TMEM132B: variants seen among roughly 807,000 people sequenced by gnomAD.
TMEM132B encodes transmembrane protein 132B.
In TMEM132B, 18 loss-of-function variants were observed where a neutral mutation model predicts 90.8. That is an observed-to-expected ratio of 0.20 (90% CI 0.14 to 0.29). TMEM132B has a LOEUF of 0.29. Among genes scored for constraint, TMEM132B ranks in the 10% least tolerant of loss-of-function variants. The pLI is 1.00. For missense variants in TMEM132B, 1,096 were observed against 1,326.8 expected (o/e 0.83, Z 2.70); for synonymous variants, 504 against 523.3 (o/e 0.96, Z 0.50).
chr12:125,433,760 A>G (rs1428354461), intron 3 of TMEM132B, among the ~76,000 whole-genome samples: 1 of 147,452 alleles, frequency 6.8e-6, no homozygotes, highest in Non-Finnish European at 1.5e-5. Context: ...TGTGGCACAT[A>G]TACACCATGG....
intron 3 of TMEM132B, among the ~76,000 whole-genome samples, chr12:125,480,188 A>G (rs1025831299): frequency 1.3e-5 from 2 of 152,194 alleles, no homozygotes; most frequent in Admixed American, 1.3e-4. Flanking sequence ...CTAACATCAC[A>G]ATTAAAAGAG....
In TMEM132B at chr12:125,349,566, C is replaced by G. The variant is rs1877486257; in HGVS notation, c.182C>G (p.Ala61Gly). 4 of 1,614,134 alleles carry G rather than the reference C, an allele frequency of 2.5e-6. No individual in the cohort carries two copies. The highest frequency in any genetic ancestry group is 3.4e-6 in the Non-Finnish European group (4 of 1,180,032). The stretch of plus-strand genomic sequence containing the variant: ...GAGGAGTCCTTTTTCCTTAAAGAAG[C>G]CAACCAAGACCTCACAAGGAACTCC... Reference protein sequence around the residue: ...NAEESFFLKEANQDLTRNSSL... With the variant: ...NAEESFFLKEGNQDLTRNSSL... The change falls in exon 2 of 9, where the codon GCC (alanine) becomes GGC (glycine). Residue 61 changes from alanine to glycine, a missense_variant. Ala to Gly is a moderately conservative substitution (Grantham distance 60, BLOSUM62 0). Transcript: ENST00000682704. This position sits in a 1 kb window ranked among gnomAD's most constrained non-coding sequence, Gnocchi z 4.1.
At chr12:125,484,708 GCAGC>G (rs1239195504) in intron 3 of TMEM132B, among the ~76,000 whole-genome samples, 1 of 152,014 alleles carries the variant, frequency 6.6e-6, no homozygotes, top group Non-Finnish European at 1.5e-5. Context: ...ATAGCTCACT[GCAGC>G]CTTGATCTCC....
rs997831820 is a variant in TMEM132B, at chr12:125,459,863, G to A, written c.1106+44186G>A. 4.6e-5 allele frequency among the ~76,000 whole-genome samples: 7 copies of A among 152,140 alleles called. No individual in the cohort carries two copies. Among genetic ancestry groups the A allele is most frequent in the Non-Finnish European group, 4.4e-5 (3 of 68,018 alleles). ...TCCCCCATACTGTTTTCACGGTAGT[G>A]GATAAGTCTCATGAGATCTGATGAT... On this transcript the variant is annotated intron_variant, in intron 3 of 8. Transcript: ENST00000682704. This position sits in a 1 kb window ranked among gnomAD's most constrained non-coding sequence, Gnocchi z 4.1.
intron 5 of TMEM132B, among the ~76,000 whole-genome samples, chr12:125,618,700 C>G (rs1425212406): frequency 1.3e-5 from 2 of 151,998 alleles, no homozygotes. Context: ...CAAATTTTCT[C>G]CAATTATGAT....
intron 4 of TMEM132B, among the ~76,000 whole-genome samples, chr12:125,530,285 A>ATTTCT (rs1420767714): frequency 6.8e-6 from 1 of 146,876 alleles, no homozygotes. Flanking sequence ...GGTTGCTTCC[A>ATTTCT]TTTCTTTTCT....
chr12:125,563,143 A>G (rs1884574666), intron 4 of TMEM132B, among the ~76,000 whole-genome samples: 2 of 101,134 alleles, frequency 2.0e-5, no homozygotes, highest in Non-Finnish European at 2.0e-5. Flanking sequence ...GGTCACCATA[A>G]TGCGTAATAA....
At chr12:125,532,142 T>A (rs1238894124) in intron 4 of TMEM132B, among the ~76,000 whole-genome samples, 1 of 152,202 alleles carries the variant, frequency 6.6e-6, no homozygotes, top group Non-Finnish European at 1.5e-5. Flanking sequence ...TTGGTTCAGT[T>A]GACCTGCCTC....
At chr12:125,478,665 G>C (rs1440902331) in intron 3 of TMEM132B, among the ~76,000 whole-genome samples, 1 of 152,178 alleles carries the variant, frequency 6.6e-6, no homozygotes, top group Non-Finnish European at 1.5e-5. Context: ...AGGGAGAATG[G>C]AACCAAGCTG....
intron 1 of TMEM132B, among the ~76,000 whole-genome samples, chr12:125,288,553 G>T (rs1315446808): frequency 2.0e-5 from 3 of 151,640 alleles, no homozygotes; most frequent in Admixed American, 1.3e-4. Flanking sequence ...TCATATTGCT[G>T]GTTACTTTGG....
chr12:125,495,133 G>A (rs1592955164), intron 3 of TMEM132B, among the ~76,000 whole-genome samples: 2 of 91,722 alleles, frequency 2.2e-5, no homozygotes, highest in Admixed American at 1.4e-4. Context: ...GAAAATGGCC[G>A]TGTCCCTCTT....
At chr12:125,321,715 T>G (rs1876429649) in intron 1 of TMEM132B, among the ~76,000 whole-genome samples, 1 of 152,116 alleles carries the variant, frequency 6.6e-6, no homozygotes, top group African/African-American at 2.4e-5. Context: ...TGACCTCAGG[T>G]GATCCACCCA....
Position 125,407,583 on chromosome 12 carries a change from A to G in TMEM132B, c.960-7948A>G, listed in dbSNP as rs949339563. ...GTTGTCTTTCTTTTGACTTATCTAC[A>G]GCAGCTAGAATGTCTCTCTCCCTGG... is the stretch of plus-strand genomic sequence containing the variant. On this transcript the variant is annotated intron_variant, in intron 2 of 8. Coordinates refer to ENST00000682704, the MANE Select transcript of TMEM132B (RefSeq NM_001366854.1). The surrounding 1 kb of genome is among the most constrained non-coding windows in gnomAD (Gnocchi z 6.7). 2.0e-5 allele frequency among the ~76,000 whole-genome samples: 3 copies of G among 152,174 alleles called. No homozygotes were observed. The highest frequency in any genetic ancestry group is 4.4e-5 in the Non-Finnish European group (3 of 68,032).
At chr12:125,526,102 G>A (rs1384855152) in intron 4 of TMEM132B, among the ~76,000 whole-genome samples, 1 of 152,206 alleles carries the variant, frequency 6.6e-6, no homozygotes, top group Non-Finnish European at 1.5e-5. Flanking sequence ...GTGGGAGGCT[G>A]TGTCCTCGCC....
At chr12:125,264,353 T>A (rs1874637915) in intron 1 of TMEM132B, among the ~76,000 whole-genome samples, 2 of 152,208 alleles carry the variant, frequency 1.3e-5, no homozygotes, top group South Asian at 4.1e-4. Flanking sequence ...TAAAGTAACA[T>A]ATTCACAGGT....
At chr12:125,636,595 T>A (rs534610000) in intron 5 of TMEM132B, among the ~76,000 whole-genome samples, 88 of 152,330 alleles carry the variant, frequency 5.8e-4, no homozygotes, top group Admixed American at 1.4e-3. Context: ...GTGTCTAGCA[T>A]GTATTCTCAT....
At chr12:125,422,610 G>T (rs553666859) in intron 3 of TMEM132B, among the ~76,000 whole-genome samples, 1 of 152,234 alleles carries the variant, frequency 6.6e-6, no homozygotes, top group East Asian at 1.9e-4. Context: ...AGGTCATTAA[G>T]TTAAGGATCT....
intron 4 of TMEM132B, among the ~76,000 whole-genome samples, chr12:125,567,767 T>C (rs1301823975): frequency 2.6e-5 from 4 of 152,120 alleles, no homozygotes; most frequent in Non-Finnish European, 4.4e-5. Flanking sequence ...TTAATGTAGC[T>C]CAAGCTGGAT....
At chr12:125,211,044 C>T (rs974295323) in intron 1 of TMEM132B, among the ~76,000 whole-genome samples, 4 of 151,630 alleles carry the variant, frequency 2.6e-5, no homozygotes, top group Admixed American at 6.6e-5. Flanking sequence ...GCACTCCAGC[C>T]TGGGCAACAG....
Sources: gnomAD v4.1 joint callset for allele counts (sites outside exome capture counted in the v4.1 genomes callset) on GRCh38, gnomAD v4.1.1 for gene constraint, Gnocchi (gnomAD v3.1) non-coding constraint, MANE v1.5 for transcripts, NCBI Gene and HGNC (gene_info 2026-07-23, HGNC 2026-07-21) for gene names.